CD244: variants seen among roughly 807,000 people sequenced by gnomAD.
CD244 encodes CD244 molecule.
A neutral mutation model predicts 45.5 loss-of-function variants in CD244; 20 were observed. That is an observed-to-expected ratio of 0.44 (90% CI 0.31 to 0.64). CD244 has a LOEUF of 0.64. Among genes scored for constraint, CD244 ranks in the 30% least tolerant of loss-of-function variants. CD244 has a pLI of 0.08. For missense variants in CD244, 407 were observed against 426.9 expected, an observed-to-expected ratio of 0.95 and a Z score of 0.41; for synonymous variants, 185 against 160.5, an observed-to-expected ratio of 1.15 and a Z score of -1.15.
chr1:160,832,897 CATAT>C (rs745907054), intron 7 of CD244, among the ~76,000 whole-genome samples: 1 of 84,810 alleles, frequency 1.2e-5, no homozygotes, highest in Non-Finnish European at 3.1e-5. Context: ...TACACACACA[CATAT>C]ATATACATAT....
chr1:160,855,517 G>A (rs1405886890), intron 1 of CD244, among the ~76,000 whole-genome samples: 1 of 152,206 alleles, frequency 6.6e-6, no homozygotes, highest in Non-Finnish European at 1.5e-5. Context: ...GACTGATACA[G>A]AAAGACCTCA....
chr1:160,841,838 T>C lies in CD244; in HGVS notation c.125A>G (p.Asn42Ser), dbSNP rs1370248265. ...ISGVPLQLQP[N>S]SIQTKVDSIA... ...GCTGTCAACCTTCGTCTGTATGCTGTTTGGTTGTAACTGAAGAGGCACTCC... is the reference window on the plus strand; with the variant it reads ...GCTGTCAACCTTCGTCTGTATGCTGCTTGGTTGTAACTGAAGAGGCACTCC... The change falls in exon 2 of 9, where the codon AAC becomes AGC. Residue 42 changes from asparagine to serine, a missense_variant. By Grantham distance (46) the Asn-to-Ser change is conservative (BLOSUM62 1). Coordinates refer to ENST00000368034, the MANE Select transcript of CD244 (RefSeq NM_016382.4). 1 of 1,614,092 alleles carries C rather than the reference T, an allele frequency of 6.2e-7. No homozygotes were observed. Among genetic ancestry groups the C allele is most frequent in the Non-Finnish European group, 8.5e-7 (1 of 1,180,000 alleles).
At chr1:160,846,470 C>T (rs1358992762) in intron 1 of CD244, among the ~76,000 whole-genome samples, 1 of 152,142 alleles carries the variant, frequency 6.6e-6, no homozygotes, top group African/African-American at 2.4e-5. Context: ...AGTTGGAGAC[C>T]AGGCTGGCCA....
At chr1:160,847,947 A>T (rs185084490) in intron 1 of CD244, 1 of 164,068 alleles carries the variant, frequency 6.1e-6, no homozygotes, top group East Asian at 1.8e-4. Context: ...TAAAAGTGTT[A>T]AAATGTATAT....
intron 1 of CD244, among the ~76,000 whole-genome samples, chr1:160,853,945 A>G (rs1433724845): frequency 1.3e-5 from 2 of 152,178 alleles, no homozygotes; most frequent in African/African-American, 4.8e-5. Context: ...GTGGCTGCCC[A>G]GAGGCGGTGG....
At chr1:160,838,328 G>A (rs1360257677) in intron 5 of CD244, 123 bp downstream of exon 5, 6 of 776,456 alleles carry the variant, frequency 7.7e-6, no homozygotes, top group South Asian at 4.3e-5. Context: ...ATGGGGAAGG[G>A]CTGAGGGTCA....
intron 1 of CD244, among the ~76,000 whole-genome samples, chr1:160,853,950 C>T (rs975408735): frequency 1.3e-5 from 2 of 152,046 alleles, no homozygotes; most frequent in African/African-American, 2.4e-5. Context: ...TGCCCAGAGG[C>T]GGTGGGTGGG....
intron 1 of CD244, among the ~76,000 whole-genome samples, chr1:160,842,584 A>G (rs1324308831): frequency 2.0e-5 from 3 of 152,164 alleles, no homozygotes; most frequent in East Asian, 1.9e-4. Context: ...CTAACCGTCC[A>G]AGCTGAACTC....
chr1:160,849,681 T>C (rs527964556), intron 1 of CD244, among the ~76,000 whole-genome samples: 34 of 152,250 alleles, frequency 2.2e-4, no homozygotes, highest in African/African-American at 7.9e-4. Flanking sequence ...CTGGAGGTCA[T>C]GGCTAGTTCA....
At chr1:160,849,926 C>T (rs946106343) in intron 1 of CD244, among the ~76,000 whole-genome samples, 6 of 152,016 alleles carry the variant, frequency 3.9e-5, no homozygotes, top group Non-Finnish European at 7.4e-5. Flanking sequence ...GCAGGAGAAT[C>T]ACTTGAACCC....
At position 160,840,546 on chromosome 1, in the gene CD244, C is replaced by T. The variant is rs371990930; in HGVS notation, c.655+664G>A. On this transcript the variant is annotated intron_variant, in intron 3 of 8. Transcript: ENST00000368034. ...AAAGTGCTGGGATTACAGGGAGCCA[C>T]TGCGCCCGGCCTGCCTCAGTCTTGT... Among the ~76,000 whole-genome samples the T allele has an allele frequency of 2.6e-5, 4 of 152,340 alleles. No homozygotes were observed. In the East Asian group the frequency reaches 5.8e-4, roughly 22 times the overall value.
At chr1:160,845,804 C>T (rs541069980) in intron 1 of CD244, among the ~76,000 whole-genome samples, 2 of 149,004 alleles carry the variant, frequency 1.3e-5, no homozygotes, top group East Asian at 2.0e-4. Flanking sequence ...TGCAGTGAGC[C>T]GAGATCACGC....
In CD244 at chr1:160,860,657, A is replaced by G. The variant is rs796346553; in HGVS notation, c.61+1960T>C. Among the ~76,000 whole-genome samples the G allele has an allele frequency of 5.9e-5, 9 of 152,366 alleles. 1 individual carries two copies. The highest frequency in any genetic ancestry group is 2.2e-4 in the African/African-American group (9 of 41,584). On this transcript the variant is annotated intron_variant, in intron 1 of 8. Transcript: ENST00000368034. ...GTTCTCAAGTGGTTCAGCAAAAATT[A>G]TTGTACATTTATACACACATATACA...
intron 1 of CD244, among the ~76,000 whole-genome samples, chr1:160,843,673 C>T (rs909696630): frequency 6.6e-6 from 1 of 152,196 alleles, no homozygotes; most frequent in Admixed American, 6.5e-5. Flanking sequence ...AACCAATCCT[C>T]CCACTAAAAA....
intron 1 of CD244, among the ~76,000 whole-genome samples, chr1:160,851,510 T>C (rs1442899103): frequency 6.6e-6 from 1 of 152,212 alleles, no homozygotes; most frequent in South Asian, 2.1e-4. Context: ...AAAACCTTGA[T>C]ATCTCCCTCA....
chr1:160,859,318 C>A (rs115836315), intron 1 of CD244, among the ~76,000 whole-genome samples: 1 of 152,104 alleles, frequency 6.6e-6, no homozygotes. Flanking sequence ...TCTTGGACGC[C>A]AGGTCACGCA....
At chr1:160,861,162 G>A (rs1366262366) in intron 1 of CD244, among the ~76,000 whole-genome samples, 2 of 151,668 alleles carry the variant, frequency 1.3e-5, no homozygotes, top group African/African-American at 2.4e-5. Context: ...CTTAGACCAG[G>A]TTCCAACCTA....
chr1:160,841,061 T>C, intron 3 of CD244, 149 bp downstream of exon 3: 1 of 713,854 alleles, frequency 1.4e-6, no homozygotes, highest in Non-Finnish European at 2.3e-6. Context: ...ACTGTGTGCC[T>C]GGAGGCCAGG....
intron 1 of CD244, among the ~76,000 whole-genome samples, chr1:160,860,452 A>T (rs917598678): frequency 2.6e-4 from 39 of 152,214 alleles, no homozygotes; most frequent in Admixed American, 2.5e-3. Context: ...CAGCAAAAAA[A>T]AAAAATAAAG....
Sources: allele counts gnomAD v4.1 joint callset (sites outside exome capture counted in the v4.1 genomes callset), GRCh38; gene constraint gnomAD v4.1.1; transcripts MANE v1.5; gene names NCBI Gene and HGNC (gene_info 2026-07-23, HGNC 2026-07-21).